Variants in CNTNAP3 observed in about 807,000 individuals in gnomAD.
CNTNAP3 encodes contactin associated protein family member 3.
A neutral mutation model predicts 92.1 loss-of-function variants in CNTNAP3; 36 were observed. The observed-to-expected ratio is 0.39, with a 90% CI of 0.30 to 0.52. The LOEUF (loss-of-function observed/expected upper bound fraction) is 0.52, where lower values mean the gene tolerates loss of function less well. Among genes scored for constraint, CNTNAP3 ranks in the 20% least tolerant of loss-of-function variants. The pLI, the probability that CNTNAP3 is intolerant of heterozygous loss-of-function variation, is 0.76. For synonymous variants in CNTNAP3, 232 were observed against 422.3 expected (o/e 0.55, Z 5.53); for missense variants, 534 against 1,069.6 (o/e 0.50, Z 6.98).
intron 12 of CNTNAP3, among the ~76,000 whole-genome samples, chr9:39,138,020 G>A (rs900949775): frequency 6.7e-6 from 1 of 148,378 alleles, no homozygotes; most frequent in Non-Finnish European, 1.5e-5. Context: ...TCACCATGCT[G>A]TTTTTTGTTG....
intron 21 of CNTNAP3, among the ~76,000 whole-genome samples, chr9:39,079,677 T>TTC (rs1825884343): frequency 9.8e-6 from 1 of 101,666 alleles, no homozygotes; most frequent in Admixed American, 9.1e-5. Flanking sequence ...ACATTATTTC[T>TTC]TTTTTTCCTT....
In CNTNAP3 at chr9:39,069,178, C is replaced by T. The variant is rs1825582250; in HGVS notation, c.*4712G>A. Reference sequence around the variant, plus strand: ...GAGCAAGGCAACCTGTAGAATTGGTCAGGAACTAGACATCTCAGGACCTGC... The same window carrying T: ...GAGCAAGGCAACCTGTAGAATTGGTTAGGAACTAGACATCTCAGGACCTGC... On this transcript the variant is annotated 3_prime_UTR_variant, in exon 24 of 24. Coordinates refer to ENST00000297668, the MANE Select transcript of CNTNAP3 (RefSeq NM_033655.5). 6.6e-6 allele frequency among the ~76,000 whole-genome samples: 1 copy of T among 152,220 alleles called. No homozygotes were observed. The highest frequency in any genetic ancestry group is 2.1e-4 in the South Asian group (1 of 4,828).
intron 21 of CNTNAP3, among the ~76,000 whole-genome samples, chr9:39,084,727 G>C (rs1041273961): frequency 6.6e-6 from 1 of 152,064 alleles, no homozygotes; most frequent in African/African-American, 2.4e-5. Flanking sequence ...AATGATGTGA[G>C]AGTGGCAAAA....
chr9:39,146,361 T>C (rs1821699678), intron 10 of CNTNAP3, among the ~76,000 whole-genome samples: 1 of 151,880 alleles, frequency 6.6e-6, no homozygotes, highest in Admixed American at 6.6e-5. Flanking sequence ...CTTAAAAGAG[T>C]ACAGCAGTCT....
chr9:39,285,919 G>A (rs2118365960), intron 1 of CNTNAP3, among the ~76,000 whole-genome samples: 2 of 56,896 alleles, frequency 3.5e-5, no homozygotes, highest in African/African-American at 7.9e-5. Flanking sequence ...TGTGAATAAC[G>A]TGAGCAACTC....
chr9:39,076,786 G>C (rs1825780960), intron 23 of CNTNAP3, among the ~76,000 whole-genome samples: 1 of 152,300 alleles, frequency 6.6e-6, no homozygotes, highest in African/African-American at 2.4e-5. Flanking sequence ...GGCTAACACG[G>C]TGAAACCCCG....
chr9:39,142,108 T>C (rs2118098662), intron 11 of CNTNAP3, among the ~76,000 whole-genome samples: 1 of 152,268 alleles, frequency 6.6e-6, no homozygotes, highest in East Asian at 1.9e-4. Context: ...TCAGAAGTTT[T>C]TGGAGTTATA....
intron 18 of CNTNAP3, among the ~76,000 whole-genome samples, chr9:39,091,141 T>G (rs1409931930): frequency 1.3e-5 from 2 of 152,048 alleles, no homozygotes; most frequent in East Asian, 3.8e-4. Flanking sequence ...ATAGTTTTAT[T>G]TCCTTTCTAA....
At chr9:39,111,372 G>C (rs949157543) in intron 14 of CNTNAP3, among the ~76,000 whole-genome samples, 2 of 152,080 alleles carry the variant, frequency 1.3e-5, no homozygotes, top group African/African-American at 4.8e-5. Flanking sequence ...AAATAAAGTG[G>C]CTATATTATT....
chr9:39,110,527 C>T (rs1826720278), intron 14 of CNTNAP3, among the ~76,000 whole-genome samples: 2 of 152,112 alleles, frequency 1.3e-5, no homozygotes, highest in South Asian at 4.1e-4. Context: ...AAGCACACAG[C>T]CTATTGAATA....
At chr9:39,103,531 A>G (rs566894323) in intron 16 of CNTNAP3, 103 of 514,152 alleles carry the variant, frequency 2.0e-4, no homozygotes, top group African/African-American at 1.1e-3. Flanking sequence ...GCAGTGAGCC[A>G]AGATAATGCC....
intron 10 of CNTNAP3, among the ~76,000 whole-genome samples, chr9:39,146,616 G>T (rs1278612914): frequency 1.3e-5 from 2 of 152,188 alleles, no homozygotes; most frequent in African/African-American, 4.8e-5. Context: ...ATGAACCCAG[G>T]AGGCGGAGCT....
chr9:39,074,792 G>A (rs1825709684), intron 23 of CNTNAP3, among the ~76,000 whole-genome samples: 1 of 152,054 alleles, frequency 6.6e-6, no homozygotes, highest in Non-Finnish European at 1.5e-5. Flanking sequence ...TTTCTGAGAC[G>A]GAGTCTTGCT....
chr9:39,139,900 C>T (rs527643175), intron 12 of CNTNAP3: 1 of 152,356 alleles, frequency 6.6e-6, no homozygotes, highest in East Asian at 1.9e-4. Context: ...GCGGGTGCCA[C>T]CATGCCCAGC....
In CNTNAP3 at chr9:39,066,266, C is replaced by T. The variant is rs1358188540; in HGVS notation, c.*7624G>A. Among the ~76,000 whole-genome samples the T allele has an allele frequency of 6.6e-6, 1 of 152,222 alleles. No homozygotes were observed. Among genetic ancestry groups the T allele is most frequent in the Non-Finnish European group, 1.5e-5 (1 of 68,038 alleles). On this transcript the variant is annotated 3_prime_UTR_variant, in exon 24 of 24. Transcript: ENST00000297668. ...CAGTCTAAGAACCTTACAAACTAAACTATATTTCCATTTACTCTAGGTTAT... is the reference window on the plus strand; with the variant it reads ...CAGTCTAAGAACCTTACAAACTAAATTATATTTCCATTTACTCTAGGTTAT...
intron 13 of CNTNAP3, among the ~76,000 whole-genome samples, chr9:39,127,788 A>T (rs988342711): frequency 1.3e-5 from 2 of 152,068 alleles, no homozygotes; most frequent in African/African-American, 4.8e-5. Context: ...CTGAAAAAAA[A>T]ATCTCTTGGC....
intron 19 of CNTNAP3, among the ~76,000 whole-genome samples, chr9:39,087,804 A>G (rs1309345735): frequency 6.6e-6 from 1 of 152,024 alleles, no homozygotes; most frequent in Non-Finnish European, 1.5e-5. Context: ...GATTTTGTAG[A>G]TTTTTTTCTA....
At chr9:39,096,639 G>A (rs1277874868) in intron 18 of CNTNAP3, among the ~76,000 whole-genome samples, 1 of 150,682 alleles carries the variant, frequency 6.6e-6, no homozygotes, top group Non-Finnish European at 1.5e-5. Flanking sequence ...TACTGAACAT[G>A]AAAGACGGTT....
intron 14 of CNTNAP3, among the ~76,000 whole-genome samples, chr9:39,114,842 CATT>C (rs1820817132): frequency 6.6e-6 from 1 of 151,322 alleles, no homozygotes; most frequent in South Asian, 2.1e-4. Flanking sequence ...CATGTGTCAT[CATT>C]ATATTAGCAA....
Sources: allele counts gnomAD v4.1 joint callset (sites outside exome capture counted in the v4.1 genomes callset), GRCh38; gene constraint gnomAD v4.1.1; transcripts MANE v1.5; gene names NCBI Gene and HGNC (gene_info 2026-07-23, HGNC 2026-07-21).